GALK2: variants seen among roughly 807,000 people sequenced by gnomAD.
GALK2 encodes the protein galactokinase 2, also known as N-acetylgalactosamine kinase.
Under a neutral mutation model 52.4 loss-of-function variants are expected in GALK2, and 36 were observed. The ratio of observed to expected loss-of-function variants is 0.69; its 90% CI spans 0.53 to 0.91. The LOEUF is 0.91. GALK2 is among the 40% of genes least tolerant of loss of function. The probability of loss-of-function intolerance (pLI) is 0.00; values close to 1 mark genes in which losing one functional copy is unlikely to be tolerated. For synonymous variants in GALK2, 176 were observed against 199.1 expected (o/e 0.88, Z 0.98); for missense variants, 579 against 559.1 (o/e 1.04, Z -0.36).
intron 5 of GALK2, among the ~76,000 whole-genome samples, chr15:49,260,995 T>G (rs2092078213): frequency 6.6e-6 from 1 of 151,976 alleles, no homozygotes; most frequent in Non-Finnish European, 1.5e-5. Flanking sequence ...TGAAGTCAGG[T>G]AGTGTGATGC....
chr15:49,204,278 T>G (rs1045621362), intron 2 of GALK2, among the ~76,000 whole-genome samples: 1 of 151,744 alleles, frequency 6.6e-6, no homozygotes, highest in Non-Finnish European at 1.5e-5. Flanking sequence ...TTTCTTTTCT[T>G]CTTCTTCTTC....
intron 8 of GALK2, among the ~76,000 whole-genome samples, chr15:49,307,737 G>C (rs1248504994): frequency 6.6e-6 from 1 of 152,146 alleles, no homozygotes; most frequent in Non-Finnish European, 1.5e-5. Context: ...ATCTGAGAAA[G>C]GGAAGCCATA....
chr15:49,338,346 T>G lies in GALK2; in HGVS notation c.426+18541T>G, dbSNP rs149840695. Among the ~76,000 whole-genome samples the G allele has an allele frequency of 4.0e-3, 610 of 152,332 alleles. 5 individuals carry two copies. Among genetic ancestry groups the G allele is most frequent in the African/African-American group, 0.014 (578 of 41,568 alleles). On this transcript the variant is annotated intron_variant, in intron 3 of 3. Transcript: ENST00000558399. ...GGTGGTGACAAAATCTCTCAGCATTTCCTTGTCTGTAAAGATTTTATTTCT... is the reference window on the plus strand; with the variant it reads ...GGTGGTGACAAAATCTCTCAGCATTGCCTTGTCTGTAAAGATTTTATTTCT...
intron 1 of GALK2, among the ~76,000 whole-genome samples, chr15:49,178,015 A>G (rs1438036217): frequency 6.6e-6 from 1 of 150,874 alleles, no homozygotes; most frequent in Non-Finnish European, 1.5e-5. Context: ...ACAAAATTAC[A>G]AAAATTAGCT....
chr15:49,221,559 C>G (rs1322445278), intron 3 of GALK2, among the ~76,000 whole-genome samples: 1 of 151,838 alleles, frequency 6.6e-6, no homozygotes, highest in Non-Finnish European at 1.5e-5. Flanking sequence ...CCCAGCTACT[C>G]AGGAGGCTGA....
At chr15:49,261,175 G>T (rs1162722374) in intron 5 of GALK2, among the ~76,000 whole-genome samples, 1 of 148,962 alleles carries the variant, frequency 6.7e-6, no homozygotes, top group African/African-American at 2.5e-5. Context: ...CCATTTTCAT[G>T]ATATTGATTC....
At chr15:49,339,112 C>T (rs568719735) in intron 3 of GALK2, among the ~76,000 whole-genome samples, 1 of 152,056 alleles carries the variant, frequency 6.6e-6, no homozygotes, top group African/African-American at 2.4e-5. Context: ...TATTACCCAC[C>T]TTCTGAAGCC....
chr15:49,332,755 G>A (rs2039027539), downstream of GALK2, among the ~76,000 whole-genome samples: 1 of 152,190 alleles, frequency 6.6e-6, no homozygotes, highest in African/African-American at 2.4e-5. Flanking sequence ...ACATGTTGCT[G>A]AAGCAGCAAG....
intron 3 of GALK2, 36 bp from the exon 4 acceptor site, chr15:49,235,815 C>T (rs1474652843): frequency 1.4e-6 from 2 of 1,446,110 alleles, no homozygotes; most frequent in Non-Finnish European, 1.9e-6. Context: ...TCAAGGCCTA[C>T]AGATTTTAAA....
intron 9 of GALK2, among the ~76,000 whole-genome samples, chr15:49,324,315 A>G (rs1596120803): frequency 6.9e-6 from 1 of 144,974 alleles, no homozygotes. Flanking sequence ...TTCTTCAACA[A>G]GGTCATAATG....
intron 1 of GALK2, among the ~76,000 whole-genome samples, chr15:49,182,192 A>G (rs2086026573): frequency 6.6e-6 from 1 of 151,984 alleles, no homozygotes; most frequent in African/African-American, 2.4e-5. Flanking sequence ...CTCTTTCTCC[A>G]TGAGTTCAAT....
chr15:49,338,873 G>T (rs540891634), intron 3 of GALK2, among the ~76,000 whole-genome samples: 1 of 151,992 alleles, frequency 6.6e-6, no homozygotes, highest in African/African-American at 2.4e-5. Context: ...TTACTTCATT[G>T]AGTTGATTTT....
intron 2 of GALK2, among the ~76,000 whole-genome samples, chr15:49,215,460 A>T (rs995843862): frequency 6.6e-6 from 1 of 152,154 alleles, no homozygotes; most frequent in South Asian, 2.1e-4. Context: ...GTATTTTTAT[A>T]TAGCCTGTCT....
chr15:49,319,258 C>T (rs2036688442), intron 8 of GALK2: 1 of 352,972 alleles, frequency 2.8e-6, no homozygotes. Flanking sequence ...CTGGCCTACA[C>T]AAAGTAGTAT....
chr15:49,239,962 T>C (rs1400929561), intron 5 of GALK2, among the ~76,000 whole-genome samples: 2 of 152,230 alleles, frequency 1.3e-5, no homozygotes, highest in Admixed American at 6.5e-5. Flanking sequence ...GCATTCTGGT[T>C]CAAATAAAAT....
At chr15:49,158,742 G>C (rs1157497802) in intron 1 of GALK2, 2 of 152,224 alleles carry the variant, frequency 1.3e-5, no homozygotes, top group Non-Finnish European at 2.9e-5. Flanking sequence ...TTCCAGATCT[G>C]TCCACGTGAC....
At chr15:49,264,915 TCTGATCGTTC>T (rs1402780899) in intron 5 of GALK2, among the ~76,000 whole-genome samples, 2 of 152,212 alleles carry the variant, frequency 1.3e-5, no homozygotes, top group African/African-American at 4.8e-5. Flanking sequence ...AATGCTGCTG[TCTGATCGTTC>T]CTCTGGTAGT....
At chr15:49,263,628 A>C (rs1394860405) in intron 5 of GALK2, among the ~76,000 whole-genome samples, 5 of 119,402 alleles carry the variant, frequency 4.2e-5, no homozygotes, top group Non-Finnish European at 8.9e-5. Flanking sequence ...TTAGCTGGTT[A>C]TTTTGCTTGT....
intron 3 of GALK2, among the ~76,000 whole-genome samples, chr15:49,224,368 T>C (rs1348756527): frequency 2.0e-5 from 3 of 152,226 alleles, no homozygotes; most frequent in African/African-American, 7.2e-5. Flanking sequence ...ATTTTTGTTT[T>C]TATCACAGTT....
Sources: gnomAD v4.1 joint callset for allele counts (sites outside exome capture counted in the v4.1 genomes callset) on GRCh38, gnomAD v4.1.1 for gene constraint, MANE v1.5 for transcripts, NCBI Gene and HGNC (gene_info 2026-07-23, HGNC 2026-07-21) for gene names.